TRAF6: variants seen among roughly 807,000 people sequenced by gnomAD.
TRAF6 encodes TNF receptor-associated factor 6.
In TRAF6, 10 loss-of-function variants were observed where a neutral mutation model predicts 48.4. That is an observed-to-expected ratio of 0.21 (90% CI 0.13 to 0.35). The LOEUF is 0.35. TRAF6 is among the 10% of genes least tolerant of loss of function. TRAF6 has a pLI of 1.00. For synonymous variants in TRAF6, 186 were observed against 219.6 expected, an observed-to-expected ratio of 0.85 and a Z score of 1.35; for missense variants, 397 against 661.0, an observed-to-expected ratio of 0.60 and a Z score of 4.38.
chr11:36,495,404 A>C (rs1275044993), intron 4 of TRAF6, among the ~76,000 whole-genome samples: 1 of 152,242 alleles, frequency 6.6e-6, no homozygotes, highest in Non-Finnish European at 1.5e-5. Flanking sequence ...CAGCAGCAGC[A>C]TGACAATTTA....
intron 5 of TRAF6, among the ~76,000 whole-genome samples, chr11:36,494,360 G>T (rs994537660): frequency 6.6e-6 from 1 of 152,074 alleles, no homozygotes; most frequent in African/African-American, 2.4e-5. Context: ...GCAACAGAGT[G>T]AGACTCTATC....
intron 4 of TRAF6, chr11:36,496,262 C>T (rs1309121433): frequency 2.0e-5 from 3 of 152,024 alleles, no homozygotes; most frequent in Non-Finnish European, 4.4e-5. Context: ...TGCTGTTAGG[C>T]ACTACCAAGT....
chr11:36,502,502 A>G lies in TRAF6; in HGVS notation c.-22-965T>C, dbSNP rs142101009. 1.4e-3 allele frequency among the ~76,000 whole-genome samples: 210 copies of G among 152,266 alleles called. 2 individuals carry two copies. Among genetic ancestry groups the G allele is most frequent in the East Asian group, 8.7e-3 (45 of 5,168 alleles). On this transcript the variant is annotated intron_variant, in intron 1 of 6. Transcript: ENST00000526995. ...GAAAAAAATTTCTAGTATGTGTCAGATATCATTCAAGAAACAGAATGTAGG... is the reference window on the plus strand; with the variant it reads ...GAAAAAAATTTCTAGTATGTGTCAGGTATCATTCAAGAAACAGAATGTAGG...
chr11:36,487,542 A>G lies in TRAF6; in HGVS notation c.*2296T>C, dbSNP rs765830987. 5.9e-5 allele frequency: 9 copies of G among 152,222 alleles called. No individual in the cohort carries two copies. The East Asian group carries it at 7.7e-4, about 13-fold the overall frequency. The allele number at this position is 152,222 out of a possible 1,614,324, so 9.4% of individuals were successfully genotyped here. ...GAAAGTATCAGTGTCAGCAAAGAGT[A>G]AGTTAAAGACATTTTATACTGGCAA... is the stretch of plus-strand genomic sequence containing the variant. On this transcript the variant is annotated 3_prime_UTR_variant, in exon 7 of 7. Coordinates refer to ENST00000526995, the MANE Select transcript of TRAF6 (RefSeq NM_004620.4).
At position 36,490,663 on chromosome 11, in the gene TRAF6, C is replaced by T. The variant is rs762511764; in HGVS notation, c.757-13G>A. 6 of 1,600,458 alleles carry T rather than the reference C, an allele frequency of 3.7e-6. No individual in the cohort carries two copies. In the South Asian group the frequency reaches 6.7e-5, roughly 18 times the overall value. On this transcript the variant is annotated splice_polypyrimidine_tract_variant and intron_variant, in intron 6 of 6. Transcript: ENST00000526995. The surrounding 1 kb of genome is among the most constrained non-coding windows in gnomAD (Gnocchi z 6.4). Reference sequence around the variant, plus strand: ...GATTCCTCTGCATCTAAAAATCAAGCACAAGCCTTAGGCTGGGAATAGATA... The same window carrying T: ...GATTCCTCTGCATCTAAAAATCAAGTACAAGCCTTAGGCTGGGAATAGATA...
Position 36,487,156 on chromosome 11 carries a change from T to A in TRAF6, c.*2682A>T, listed in dbSNP as rs1859496668. 1 of 152,246 alleles carries A rather than the reference T, an allele frequency of 6.6e-6. No individual in the cohort carries two copies. Among genetic ancestry groups the A allele is most frequent in the Non-Finnish European group, 1.5e-5 (1 of 68,056 alleles). 9.4% of individuals were successfully genotyped at this position (152,246 alleles called of 1,614,324 possible). A position where few individuals can be genotyped will look rare whatever the true frequency, so the allele number is the denominator to read the frequency against. ...CAGAAAAAAGTGGAAACAATTTCTT[T>A]TTTAATTTAGCAATGTCCCAGAATG... On this transcript the variant is annotated 3_prime_UTR_variant, in exon 7 of 7. Coordinates refer to ENST00000526995, the MANE Select transcript of TRAF6 (RefSeq NM_004620.4).
rs749575361 is a variant in TRAF6, at chr11:36,501,212, T to G, written c.296+8A>C. On this transcript the variant is annotated splice_region_variant and intron_variant, in intron 2 of 6. Transcript: ENST00000526995. The stretch of plus-strand genomic sequence containing the variant: ...TATAGGACACCATTTTTTCTTATGC[T>G]CACGTACCTTATTGATTTTATGATG... The G allele has an allele frequency of 8.9e-6, 14 of 1,568,788 alleles. No individual in the cohort carries two copies. In the Admixed American group the frequency reaches 1.5e-4, roughly 17 times the overall value.
At position 36,508,060 on chromosome 11, in the gene TRAF6, T is replaced by C. The variant is rs1409175691; in HGVS notation, c.-23+1988A>G. ...TTTGTAGAGACAGGATTTTGCCATA[T>C]TGCCCAGGCTGGTCTCAAGCTATCC... On this transcript the variant is annotated intron_variant, in intron 1 of 6. Coordinates refer to ENST00000526995, the MANE Select transcript of TRAF6 (RefSeq NM_004620.4). Among the ~76,000 whole-genome samples the C allele has an allele frequency of 3.3e-5, 5 of 151,868 alleles. No individual in the cohort carries two copies. In the East Asian group the frequency reaches 9.7e-4, roughly 29 times the overall value.
At chr11:36,504,343 A>T (rs1311344033) in intron 1 of TRAF6, among the ~76,000 whole-genome samples, 1 of 151,938 alleles carries the variant, frequency 6.6e-6, no homozygotes, top group African/African-American at 2.4e-5. Flanking sequence ...AATATTCTAA[A>T]TCCTTTGTTG....
intron 1 of TRAF6, among the ~76,000 whole-genome samples, chr11:36,508,307 C>G (rs1859835874): frequency 6.6e-6 from 1 of 151,660 alleles, no homozygotes; most frequent in African/African-American, 2.4e-5. Context: ...ATGATAAGCA[C>G]TACCTTAAAG....
intron 1 of TRAF6, among the ~76,000 whole-genome samples, chr11:36,506,420 AT>A (rs369610405): frequency 8.7e-5 from 13 of 149,542 alleles, no homozygotes; most frequent in Admixed American, 2.7e-4. Context: ...GTCTTGAACC[AT>A]TTTTTTTTTA....
intron 1 of TRAF6, among the ~76,000 whole-genome samples, chr11:36,507,781 T>C (rs1451743341): frequency 1.4e-5 from 2 of 142,218 alleles, no homozygotes; most frequent in African/African-American, 5.2e-5. Context: ...TATACAAATA[T>C]ATGTATATAT....
chr11:36,504,723 C>T (rs1450702045), intron 1 of TRAF6, among the ~76,000 whole-genome samples: 2 of 152,178 alleles, frequency 1.3e-5, no homozygotes, highest in African/African-American at 4.8e-5. Flanking sequence ...TTGTCCAGAT[C>T]CATCGGGGGC....
chr11:36,503,825 C>T (rs758848920), intron 1 of TRAF6, among the ~76,000 whole-genome samples: 8 of 152,052 alleles, frequency 5.3e-5, no homozygotes, highest in Non-Finnish European at 1.2e-4. Flanking sequence ...GGGTATATAT[C>T]CTTTGTTATT....
chr11:36,510,245 G>C lies in TRAF6; in HGVS notation c.-220C>G, dbSNP rs1394883361. The C allele has an allele frequency of 6.6e-6, 1 of 152,472 alleles. No individual in the cohort carries two copies. The highest frequency in any genetic ancestry group is 6.5e-5 in the Admixed American group (1 of 15,300). The allele number at this position is 152,472 out of a possible 1,614,324, so 9.4% of individuals were successfully genotyped here. On this transcript the variant is annotated 5_prime_UTR_variant, in exon 1 of 7. Coordinates refer to ENST00000526995, the MANE Select transcript of TRAF6 (RefSeq NM_004620.4). ...CGCCCGCAGGCCAAGCCCCAGCTGC[G>C]GACGCCACTGCTTCCGCCTTCTCTG...
chr11:36,502,475 T>C (rs1436990081), intron 1 of TRAF6, among the ~76,000 whole-genome samples: 2 of 152,120 alleles, frequency 1.3e-5, no homozygotes, highest in Non-Finnish European at 2.9e-5. Flanking sequence ...ATAATTACTT[T>C]TGAAAAAAAT....
rs1046623992 is a variant in TRAF6, at chr11:36,484,146, G to A, written c.*5692C>T. On this transcript the variant is annotated 3_prime_UTR_variant, in exon 7 of 7. Coordinates refer to ENST00000526995, the MANE Select transcript of TRAF6 (RefSeq NM_004620.4). ...CCATCCGAGGTTTCACTGCCATTAG[G>A]AGCAGGGCTTGTTTTATGCGCTCCG... Among the ~76,000 whole-genome samples, 1 of 152,200 alleles carries A rather than the reference G, an allele frequency of 6.6e-6. No homozygotes were observed. Among genetic ancestry groups the A allele is most frequent in the Admixed American group, 6.5e-5 (1 of 15,286 alleles).
intron 1 of TRAF6, among the ~76,000 whole-genome samples, chr11:36,502,878 A>G (rs980008910): frequency 5.3e-5 from 8 of 152,224 alleles, no homozygotes; most frequent in African/African-American, 1.7e-4. Flanking sequence ...GTTACTGAGA[A>G]GATTAAATGT....
rs773671325 is a variant in TRAF6 at position 36,501,504 on chromosome 11, TAGC to T, written c.9_11del (p.Leu4del). On this transcript the variant is annotated inframe_deletion, in exon 2 of 7. Transcript: ENST00000526995. ...TGGATCCACAGCTGTTTTCACAGTT[TAGC>T]AGACTCATAGTAACTTGATTATCAC... 2.6e-5 allele frequency: 42 copies of T among 1,604,488 alleles called. No individual in the cohort carries two copies. The highest frequency in any genetic ancestry group is 3.4e-5 in the Non-Finnish European group (40 of 1,173,260).
Sources: gnomAD v4.1 joint callset for allele counts (sites outside exome capture counted in the v4.1 genomes callset) on GRCh38, gnomAD v4.1.1 for gene constraint, Gnocchi (gnomAD v3.1) non-coding constraint, MANE v1.5 for transcripts, NCBI Gene and HGNC (gene_info 2026-07-23, HGNC 2026-07-21) for gene names.